Variants in NSF observed in about 807,000 individuals in gnomAD.
NSF encodes N-ethylmaleimide sensitive factor, vesicle fusing ATPase, also known as vesicle-fusing ATPase.
NSF carries 14 observed loss-of-function variants against 50.3 expected under a neutral mutation model. The observed-to-expected ratio is 0.28, with a 90% CI of 0.18 to 0.44. The LOEUF (loss-of-function observed/expected upper bound fraction) is 0.44, where lower values mean the gene tolerates loss of function less well. Ranked by LOEUF, NSF falls within the 20% of genes least tolerant of loss-of-function variation. The probability of loss-of-function intolerance (pLI) is 1.00; values close to 1 mark genes in which losing one functional copy is unlikely to be tolerated. For synonymous variants in NSF, 109 were observed against 175.7 expected (o/e 0.62, Z 3.00); for missense variants, 218 against 504.3 (o/e 0.43, Z 5.44).
intron 1 of NSF, among the ~76,000 whole-genome samples, chr17:46,595,206 A>G (rs1307146983): frequency 8.4e-4 from 9 of 10,680 alleles, no homozygotes; most frequent in Admixed American, 1.2e-3. Flanking sequence ...AATAATGTTC[A>G]GAAACTATCT....
At chr17:46,739,190 T>C (rs1359435116) in intron 17 of NSF, among the ~76,000 whole-genome samples, 1 of 151,400 alleles carries the variant, frequency 6.6e-6, no homozygotes, top group Non-Finnish European at 1.5e-5. Context: ...GCCAGTATGG[T>C]GAAACCCCCG....
At chr17:46,708,637 A>G (rs1396356543) in intron 13 of NSF, among the ~76,000 whole-genome samples, 1 of 144,928 alleles carries the variant, frequency 6.9e-6, no homozygotes, top group Non-Finnish European at 1.5e-5. Context: ...GATTGTAGGC[A>G]CCCATCACCA....
chr17:46,695,198 ATTGCGCCACTGCACTCCAG>A (rs1054250980), intron 12 of NSF, among the ~76,000 whole-genome samples: 1 of 127,606 alleles, frequency 7.8e-6, no homozygotes, highest in Admixed American at 7.7e-5. Flanking sequence ...GTGAGCTGAG[ATTGCGCCACTGCACTCCAG>A]CCTGGGTGAC....
chr17:46,709,622 G>C (rs1015333097), intron 13 of NSF, among the ~76,000 whole-genome samples: 1 of 151,892 alleles, frequency 6.6e-6, no homozygotes, highest in Non-Finnish European at 1.5e-5. Flanking sequence ...AGCCTCCCAA[G>C]TAGCTGGGAT....
chr17:46,746,068 C>T (rs973030415), intron 17 of NSF, among the ~76,000 whole-genome samples: 3 of 152,274 alleles, frequency 2.0e-5, no homozygotes, highest in South Asian at 2.1e-4. Context: ...CATCCTTGTG[C>T]GTAATACCTC....
intron 15 of NSF, among the ~76,000 whole-genome samples, chr17:46,724,133 A>G (rs556477736): frequency 1.8e-4 from 27 of 152,228 alleles, no homozygotes; most frequent in African/African-American, 6.5e-4. Context: ...TCTGCTTAGA[A>G]CACTTTCTTC....
chr17:46,714,238 A>T (rs1239701046), intron 15 of NSF, among the ~76,000 whole-genome samples: 1 of 152,190 alleles, frequency 6.6e-6, no homozygotes, highest in Non-Finnish European at 1.5e-5. Flanking sequence ...TTCATTGCCT[A>T]GTTTTGTATC....
At chr17:46,726,450 G>C (rs2058890420) in intron 15 of NSF, 99 bp from the exon 16 acceptor site, 4 of 1,050,920 alleles carry the variant, frequency 3.8e-6, no homozygotes, top group Non-Finnish European at 6.0e-6. Flanking sequence ...GTGTTTTCCT[G>C]TGCTTTGTTT....
chr17:46,745,790 T>G (rs1010519530), intron 17 of NSF, among the ~76,000 whole-genome samples: 1 of 152,232 alleles, frequency 6.6e-6, no homozygotes, highest in Non-Finnish European at 1.5e-5. Flanking sequence ...AAGTTTGCCA[T>G]TAGAATTTAG....
intron 15 of NSF, chr17:46,721,722 C>A: frequency 8.7e-6 from 14 of 1,606,610 alleles, no homozygotes; most frequent in Non-Finnish European, 1.2e-5. Context: ...CGGCTGCTAT[C>A]TAGTTTGACG....
chr17:46,721,773 C>T, intron 15 of NSF: 1 of 1,602,058 alleles, frequency 6.2e-7, no homozygotes, highest in Non-Finnish European at 8.5e-7. Context: ...AAGACCAAGT[C>T]CTCAAGGAAG....
chr17:46,718,159 C>T (rs540791394), intron 15 of NSF, among the ~76,000 whole-genome samples: 3 of 152,290 alleles, frequency 2.0e-5, no homozygotes, highest in South Asian at 2.1e-4. Flanking sequence ...TGGCTGGTTC[C>T]GGTCTCCAGA....
intron 15 of NSF, among the ~76,000 whole-genome samples, chr17:46,725,351 G>T (rs2058877442): frequency 6.6e-6 from 1 of 152,110 alleles, no homozygotes; most frequent in Non-Finnish European, 1.5e-5. Context: ...GGATAGATGG[G>T]GTTTAGACAG....
intron 15 of NSF, among the ~76,000 whole-genome samples, chr17:46,716,144 G>A (rs2058766529): frequency 1.3e-5 from 2 of 152,290 alleles, no homozygotes; most frequent in Middle Eastern, 3.4e-3. Context: ...ACAAAAGCCT[G>A]AGGGGTCAAA....
intron 15 of NSF, among the ~76,000 whole-genome samples, chr17:46,716,961 T>C (rs2058778381): frequency 6.6e-6 from 1 of 152,216 alleles, no homozygotes; most frequent in Non-Finnish European, 1.5e-5. Flanking sequence ...ATCTGAACAA[T>C]CCCTTTTTGT....
chr17:46,727,376 A>T (rs2058899942), intron 16 of NSF, among the ~76,000 whole-genome samples: 1 of 152,148 alleles, frequency 6.6e-6, no homozygotes. Flanking sequence ...TGGCTCAGGA[A>T]GGGGTAATAC....
At chr17:46,731,998 T>C (rs1437819815) in intron 17 of NSF, among the ~76,000 whole-genome samples, 1 of 152,200 alleles carries the variant, frequency 6.6e-6, no homozygotes, top group Non-Finnish European at 1.5e-5. Context: ...CATTGTAAAA[T>C]GGAAGCATTC....
chr17:46,752,155 TG>T, intron 19 of NSF, among the ~76,000 whole-genome samples: 1 of 152,332 alleles, frequency 6.6e-6, no homozygotes, highest in African/African-American at 2.4e-5. Flanking sequence ...TGCAAACTAC[TG>T]TAGGGTTGAA....
In NSF at chr17:46,649,520, A is replaced by C. The variant is rs1368827934; in HGVS notation, c.745+6261A>C. ...TCTCTTGAGGAATCGAATTCCCATG[A>C]CTCCTGAAGTGAAGCGGTTGGTGTT... On this transcript the variant is annotated intron_variant, in intron 8 of 20. Coordinates refer to ENST00000398238, the MANE Select transcript of NSF (RefSeq NM_006178.4). Among the ~76,000 whole-genome samples, 16 of 151,502 alleles carry C rather than the reference A, an allele frequency of 1.1e-4. No individual in the cohort carries two copies. In the East Asian group the frequency reaches 3.1e-3, roughly 29 times the overall value.
Sources: allele counts gnomAD v4.1 joint callset (sites outside exome capture counted in the v4.1 genomes callset), GRCh38; gene constraint gnomAD v4.1.1; transcripts MANE v1.5; gene names NCBI Gene and HGNC (gene_info 2026-07-23, HGNC 2026-07-21).